RPS6KC1: variants seen among roughly 807,000 people sequenced by gnomAD.
The protein encoded by RPS6KC1 is inactive ribosomal protein S6 kinase delta-1.
Under a neutral mutation model 103.8 loss-of-function variants are expected in RPS6KC1, and 54 were observed. That is an observed-to-expected ratio of 0.52 (90% CI 0.42 to 0.65). The LOEUF (loss-of-function observed/expected upper bound fraction) is 0.65. Among genes scored for constraint, RPS6KC1 ranks in the 30% least tolerant of loss-of-function variants. RPS6KC1 has a pLI of 0.00. For missense variants in RPS6KC1, 1,151 were observed against 1,253.8 expected (o/e 0.92, Z 1.24); for synonymous variants, 439 against 438.7 (o/e 1.00, Z -0.01).
the RPS6KC1 span, among the ~76,000 whole-genome samples, chr1:213,722,256 T>G: frequency 6.6e-6 from 1 of 152,172 alleles, no homozygotes; most frequent in Non-Finnish European, 1.5e-5. Flanking sequence ...GTGACTGGTC[T>G]TGTCATGTCT....
chr1:213,330,071 A>C, the RPS6KC1 span, among the ~76,000 whole-genome samples: 1 of 152,224 alleles, frequency 6.6e-6, no homozygotes. Context: ...GCCCATTCAC[A>C]CTGGGTATTG....
the RPS6KC1 span, among the ~76,000 whole-genome samples, chr1:213,805,015 C>T: frequency 6.6e-6 from 1 of 152,240 alleles, no homozygotes; most frequent in East Asian, 1.9e-4. Context: ...TTACATCATA[C>T]TGTAGTCTAC....
chr1:213,077,618 T>C (rs186764741), intron 2 of RPS6KC1, 78 bp from the exon 3 acceptor site: 1 of 903,114 alleles, frequency 1.1e-6, no homozygotes, highest in Admixed American at 2.8e-5. Flanking sequence ...TTGAACACTT[T>C]AATGAAAGGA....
chr1:213,206,144 C>G (rs918816379), intron 8 of RPS6KC1, among the ~76,000 whole-genome samples: 1 of 152,014 alleles, frequency 6.6e-6, no homozygotes, highest in East Asian at 1.9e-4. Context: ...GCACGGTTTC[C>G]TAACATTTTT....
the RPS6KC1 span, among the ~76,000 whole-genome samples, chr1:213,669,503 T>C: frequency 6.6e-6 from 1 of 152,082 alleles, no homozygotes; most frequent in South Asian, 2.1e-4. Flanking sequence ...CCATAACAGA[T>C]GTACTAATAA....
the RPS6KC1 span, among the ~76,000 whole-genome samples, chr1:213,715,937 G>A: frequency 1.4e-3 from 208 of 151,916 alleles, 5 homozygotes; most frequent in South Asian, 0.042. Flanking sequence ...ATATGCAAAC[G>A]TACATGAGAT....
intron 6 of RPS6KC1, among the ~76,000 whole-genome samples, chr1:213,143,542 C>T (rs1450866069): frequency 6.6e-6 from 1 of 151,310 alleles, no homozygotes. Context: ...TGAGTTTCAG[C>T]CTTTTTTTAA....
rs1445690843 is a variant in RPS6KC1 at position 213,111,225 on chromosome 1, C to T, written c.379-6092C>T. Among the ~76,000 whole-genome samples, 4 of 151,988 alleles carry T rather than the reference C, an allele frequency of 2.6e-5. No homozygotes were observed. In the East Asian group the frequency reaches 7.7e-4, roughly 29 times the overall value. On this transcript the variant is annotated intron_variant, in intron 4 of 14. Coordinates refer to ENST00000366960, the MANE Select transcript of RPS6KC1 (RefSeq NM_012424.6). ...ACAGATTTCTCCAGATTTATAATTG[C>T]CTTTTGGGGAAAGCATTTGCTGGAT... is the stretch of plus-strand genomic sequence containing the variant.
At chr1:213,793,690 G>A in the RPS6KC1 span, among the ~76,000 whole-genome samples, 4 of 152,192 alleles carry the variant, frequency 2.6e-5, no homozygotes, top group African/African-American at 9.6e-5. Context: ...GCAGGTTGGA[G>A]TTTTGACATT....
At chr1:213,312,668 A>G in the RPS6KC1 span, among the ~76,000 whole-genome samples, 2 of 152,200 alleles carry the variant, frequency 1.3e-5, no homozygotes, top group African/African-American at 4.8e-5. Context: ...TGATTGAAAG[A>G]TGAGTGAGCC....
rs371625973 is a variant in RPS6KC1 at position 213,109,293 on chromosome 1, C to T, written c.378+4724C>T. On this transcript the variant is annotated intron_variant, in intron 4 of 14. Transcript: ENST00000366960. ...CTGGGATGACAGGCGCCCGCCAGCA[C>T]GCCTGGCTAATTTTTTTGTATTTTT... 9.7e-4 allele frequency among the ~76,000 whole-genome samples: 147 copies of T among 152,142 alleles called. No individual in the cohort carries two copies. In the East Asian group the frequency reaches 0.018, roughly 18 times the overall value.
intron 3 of RPS6KC1, among the ~76,000 whole-genome samples, chr1:213,080,316 T>C (rs2079757095): frequency 6.6e-6 from 1 of 152,200 alleles, no homozygotes. Flanking sequence ...TATTATTACA[T>C]AATATTTTTA....
At chr1:213,583,126 T>C in the RPS6KC1 span, among the ~76,000 whole-genome samples, 4 of 152,254 alleles carry the variant, frequency 2.6e-5, no homozygotes, top group Non-Finnish European at 5.9e-5. Context: ...AGTATTCCGA[T>C]GCGTGGACAC....
chr1:213,478,044 C>T, the RPS6KC1 span, among the ~76,000 whole-genome samples: 10 of 152,328 alleles, frequency 6.6e-5, no homozygotes, highest in African/African-American at 2.4e-4. Flanking sequence ...CTTCTTCCCT[C>T]TAACCCCGAT....
At chr1:213,559,339 T>G in the RPS6KC1 span, among the ~76,000 whole-genome samples, 40 of 152,308 alleles carry the variant, frequency 2.6e-4, no homozygotes, top group Admixed American at 2.2e-3. Flanking sequence ...AATTAACATT[T>G]GATTGAATGC....
the RPS6KC1 span, among the ~76,000 whole-genome samples, chr1:213,785,233 G>T: frequency 6.6e-6 from 1 of 152,020 alleles, no homozygotes; most frequent in Non-Finnish European, 1.5e-5. Context: ...ATCAATGATT[G>T]CTTAATAGCC....
chr1:213,316,345 G>A, the RPS6KC1 span, among the ~76,000 whole-genome samples: 2 of 152,216 alleles, frequency 1.3e-5, no homozygotes, highest in East Asian at 1.9e-4. Flanking sequence ...CTTTATAGCA[G>A]TGTGGAAATG....
the RPS6KC1 span, among the ~76,000 whole-genome samples, chr1:213,707,924 A>T: frequency 1.3e-5 from 2 of 152,208 alleles, no homozygotes; most frequent in Non-Finnish European, 2.9e-5. Flanking sequence ...TGCCAGTACC[A>T]TGCTGTTTTG....
intron 12 of RPS6KC1, among the ~76,000 whole-genome samples, chr1:213,254,679 G>T (rs1021376317): frequency 5.9e-5 from 9 of 152,214 alleles, no homozygotes. Flanking sequence ...AGCATAACCA[G>T]AGCCCTGGCA....
Sources: allele counts gnomAD v4.1 joint callset (sites outside exome capture counted in the v4.1 genomes callset), GRCh38; gene constraint gnomAD v4.1.1; transcripts MANE v1.5; gene names NCBI Gene and HGNC (gene_info 2026-07-23, HGNC 2026-07-21).